Variants in ZFAT observed in about 807,000 individuals in gnomAD.
ZFAT encodes the protein zinc finger and AT-hook domain containing, also known as zinc finger protein ZFAT.
Under a neutral mutation model 117.7 loss-of-function variants are expected in ZFAT, and 64 were observed. The ratio of observed to expected loss-of-function variants is 0.54; its 90% CI spans 0.44 to 0.67. ZFAT has a LOEUF of 0.67. ZFAT is among the 30% of genes least tolerant of loss of function. The pLI is 0.00. For missense variants in ZFAT, 1,433 were observed against 1,584.5 expected (o/e 0.90, Z 1.62); for synonymous variants, 679 against 615.0 (o/e 1.10, Z -1.54).
At chr8:134,643,401 A>G (rs1020109325) in intron 2 of ZFAT, among the ~76,000 whole-genome samples, 4 of 152,244 alleles carry the variant, frequency 2.6e-5, no homozygotes, top group Non-Finnish European at 4.4e-5. Context: ...ATGCAGTGAC[A>G]AGCTTCAGTG....
At chr8:134,611,265 A>G (rs1444713801) in intron 3 of ZFAT, among the ~76,000 whole-genome samples, 1 of 152,264 alleles carries the variant, frequency 6.6e-6, no homozygotes, top group Non-Finnish European at 1.5e-5. Context: ...CTTGGTTCAC[A>G]TAAAAAGCAA....
intron 1 of ZFAT, among the ~76,000 whole-genome samples, chr8:134,685,708 A>G (rs7829427): frequency 0.77 from 116,549 of 152,082 alleles, 44,851 homozygotes; most frequent in South Asian, 0.83. Context: ...GTTACTGTCA[A>G]GCAGAAAGCA....
the ZFAT span, among the ~76,000 whole-genome samples, chr8:134,746,392 C>T: frequency 3.9e-5 from 6 of 152,182 alleles, no homozygotes; most frequent in Admixed American, 6.5e-5. Context: ...CGTAGAACAC[C>T]GCAAGACCAT....
At chr8:134,674,306 G>A (rs753396332) in intron 1 of ZFAT, among the ~76,000 whole-genome samples, 16 of 152,138 alleles carry the variant, frequency 1.1e-4, no homozygotes, top group Non-Finnish European at 1.6e-4. Flanking sequence ...TGCCTGGCTC[G>A]GCAGGTCCCA....
At chr8:134,626,077 G>A (rs1466263097) in intron 3 of ZFAT, among the ~76,000 whole-genome samples, 1 of 152,172 alleles carries the variant, frequency 6.6e-6, no homozygotes, top group African/African-American at 2.4e-5. Flanking sequence ...GTTCTGCTGG[G>A]GTGGGATTCT....
intron 2 of ZFAT, among the ~76,000 whole-genome samples, chr8:134,640,130 C>G (rs1830497319): frequency 6.6e-6 from 1 of 152,232 alleles, no homozygotes; most frequent in Admixed American, 6.5e-5. Flanking sequence ...CTCCCTTTAA[C>G]TGGCTCTCTG....
the ZFAT span, among the ~76,000 whole-genome samples, chr8:134,776,329 G>C: frequency 6.6e-6 from 1 of 151,966 alleles, no homozygotes; most frequent in African/African-American, 2.4e-5. Context: ...TTTGAGACAG[G>C]GTCTTGCTCT....
intron 1 of ZFAT, among the ~76,000 whole-genome samples, chr8:134,696,782 G>A (rs541626299): frequency 1.3e-5 from 2 of 152,338 alleles, no homozygotes; most frequent in African/African-American, 4.8e-5. Flanking sequence ...GTCCCTCCTA[G>A]GTCTCTGGGA....
chr8:134,759,588 A>C, the ZFAT span, among the ~76,000 whole-genome samples: 1 of 144,852 alleles, frequency 6.9e-6, no homozygotes, highest in South Asian at 2.3e-4. Flanking sequence ...GGCAAAGAAC[A>C]TAATTATTCA....
chr8:134,634,588 GACACAC>G (rs60734517), intron 3 of ZFAT, among the ~76,000 whole-genome samples: 3 of 151,156 alleles, frequency 2.0e-5, no homozygotes, highest in African/African-American at 7.3e-5. Flanking sequence ...TATACATATT[GACACAC>G]ACACACACAC....
chr8:134,809,024 G>A, the ZFAT span, among the ~76,000 whole-genome samples: 1 of 152,126 alleles, frequency 6.6e-6, no homozygotes, highest in African/African-American at 2.4e-5. Flanking sequence ...GTCTCTTCTT[G>A]TGCTGTATGA....
intron 1 of ZFAT, among the ~76,000 whole-genome samples, chr8:134,699,067 A>T (rs1833945607): frequency 6.6e-6 from 1 of 152,202 alleles, no homozygotes; most frequent in Admixed American, 6.5e-5. Context: ...GTATTTCTGC[A>T]ACTGTATCTC....
intron 1 of ZFAT, among the ~76,000 whole-genome samples, chr8:134,697,393 T>G (rs1383116689): frequency 1.3e-5 from 2 of 150,910 alleles, no homozygotes; most frequent in South Asian, 2.1e-4. Context: ...ATTACAGGTG[T>G]GAGCCACCGC....
intron 15 of ZFAT, among the ~76,000 whole-genome samples, chr8:134,491,678 C>T (rs144384218): frequency 1.3e-5 from 2 of 152,290 alleles, no homozygotes; most frequent in Non-Finnish European, 2.9e-5. Flanking sequence ...GTCTTTCTTA[C>T]GATGTCATCT....
At chr8:134,595,534 C>T (rs1007699892) in intron 7 of ZFAT, among the ~76,000 whole-genome samples, 1 of 152,176 alleles carries the variant, frequency 6.6e-6, no homozygotes, top group Non-Finnish European at 1.5e-5. Context: ...CGGGGCTGAA[C>T]TCAGGCACAT....
chr8:134,652,582 G>C (rs1038029866), intron 2 of ZFAT, among the ~76,000 whole-genome samples: 3 of 152,170 alleles, frequency 2.0e-5, no homozygotes, highest in Non-Finnish European at 2.9e-5. Context: ...TATACAAAGA[G>C]CTCCTACAAA....
At chr8:134,512,915 T>TA (rs1353867078) in intron 13 of ZFAT, among the ~76,000 whole-genome samples, 1 of 152,226 alleles carries the variant, frequency 6.6e-6, no homozygotes, top group African/African-American at 2.4e-5. Context: ...TGCATACACT[T>TA]AGATTCTAAC....
intron 15 of ZFAT, among the ~76,000 whole-genome samples, chr8:134,480,133 T>C (rs550890798): frequency 7.9e-5 from 12 of 152,080 alleles, no homozygotes; most frequent in Non-Finnish European, 1.5e-4. Flanking sequence ...AATGAATTTT[T>C]GTATTTTTGG....
intron 2 of ZFAT, among the ~76,000 whole-genome samples, chr8:134,644,567 CACA>C (rs371869376): frequency 7.2e-5 from 11 of 152,070 alleles, no homozygotes; most frequent in African/African-American, 2.7e-4. Flanking sequence ...CACACACGTA[CACA>C]ACCACATACA....
Sources: gnomAD v4.1 joint callset for allele counts (sites outside exome capture counted in the v4.1 genomes callset) on GRCh38, gnomAD v4.1.1 for gene constraint, MANE v1.5 for transcripts, NCBI Gene and HGNC (gene_info 2026-07-23, HGNC 2026-07-21) for gene names.